Variants in B3GALNT2 observed in about 807,000 individuals in gnomAD.
B3GALNT2 encodes UDP-GalNAc:beta-1,3-N-acetylgalactosaminyltransferase 2.
Under a neutral mutation model 61.1 loss-of-function variants are expected in B3GALNT2, and 53 were observed. The observed-to-expected ratio is 0.87, with a 90% confidence interval of 0.70 to 1.09. The LOEUF is 1.09. Ranked by LOEUF, B3GALNT2 falls within the 50% of genes least tolerant of loss-of-function variation. The pLI, the probability that B3GALNT2 is intolerant of heterozygous loss-of-function variation, is 0.00. For missense variants in B3GALNT2, 544 were observed against 623.0 expected, an observed-to-expected ratio of 0.87 and a Z score of 1.35; for synonymous variants, 223 against 237.4, an observed-to-expected ratio of 0.94 and a Z score of 0.56.
At chr1:235,478,071 T>C (rs141116774) in intron 5 of B3GALNT2, among the ~76,000 whole-genome samples, 51 of 152,284 alleles carry the variant, frequency 3.3e-4, no homozygotes, top group African/African-American at 1.2e-3. Flanking sequence ...CTATTCTTTT[T>C]TTTGAGATGG....
In B3GALNT2 at chr1:235,484,215, C is replaced by G. The variant is rs1332547483; in HGVS notation, c.555+107G>C. The G allele has an allele frequency of 6.4e-6, 9 of 1,404,202 alleles. No homozygotes were observed. The East Asian group carries it at 1.7e-4, about 27-fold the overall frequency. 87.0% of individuals were successfully genotyped at this position (1,404,202 alleles called of 1,614,324 possible). ...GGAAGAAAGGTGAAAGTCTCTCAAC[C>G]AGAGAGAATTATATAGTCTTCCAAT... On this transcript the variant is annotated intron_variant, in intron 4 of 11. Transcript: ENST00000366600.
chr1:235,469,526 AT>A (rs575124942), intron 6 of B3GALNT2, among the ~76,000 whole-genome samples: 90 of 152,276 alleles, frequency 5.9e-4, no homozygotes, highest in African/African-American at 2.1e-3. Flanking sequence ...AGCAAAATAA[AT>A]GAAAGTACTC....
chr1:235,452,617 C>G (rs1424692249), intron 11 of B3GALNT2, among the ~76,000 whole-genome samples: 1 of 151,578 alleles, frequency 6.6e-6, no homozygotes, highest in Non-Finnish European at 1.5e-5. Flanking sequence ...GGTGCATTCA[C>G]AGCTCCCTGC....
chr1:235,465,378 G>A (rs1683637540), intron 7 of B3GALNT2: 5 of 390,180 alleles, frequency 1.3e-5, no homozygotes, highest in Middle Eastern at 1.4e-3. Context: ...AAGTGCATCA[G>A]TAGTTGTTAG....
intron 2 of B3GALNT2, among the ~76,000 whole-genome samples, chr1:235,493,756 C>T (rs1050929494): frequency 1.7e-4 from 25 of 151,372 alleles, no homozygotes; most frequent in East Asian, 5.8e-4. Context: ...TTAGCTTGAG[C>T]GACAGCAAAA....
chr1:235,482,633 G>T (rs1260549697), intron 4 of B3GALNT2, among the ~76,000 whole-genome samples: 3 of 152,006 alleles, frequency 2.0e-5, no homozygotes, highest in Admixed American at 2.0e-4. Flanking sequence ...ATACTCTGAG[G>T]AATATAATAG....
rs1683965217 is a variant in B3GALNT2, at chr1:235,470,864, G to T, written c.748C>A (p.Leu250Ile). The T allele has an allele frequency of 6.2e-7, 1 of 1,613,840 alleles. No homozygotes were observed. The highest frequency in any genetic ancestry group is 1.1e-5 in the South Asian group (1 of 91,048). ...AAACGACTTACTGTAATGACTCTGA[G>T]AACTCCCCCTCCATCATTCACTGTC... ...KVTVNDGGGV[L>I]RVITAGEGAL... The change falls in exon 6 of 12, where the codon CTC becomes ATC. Residue 250 changes from leucine to isoleucine, a missense_variant. Leu to Ile is a conservative substitution (Grantham distance 5). Coordinates refer to ENST00000366600, the MANE Select transcript of B3GALNT2 (RefSeq NM_152490.5).
chr1:235,462,761 C>A (rs1683492289), intron 7 of B3GALNT2, among the ~76,000 whole-genome samples: 1 of 152,150 alleles, frequency 6.6e-6, no homozygotes, highest in Admixed American at 6.5e-5. Flanking sequence ...GCAATACTCC[C>A]CAGGTTGATC....
chr1:235,494,926 T>C (rs1685247046), intron 1 of B3GALNT2, 98 bp from the exon 2 acceptor site: 10 of 1,202,108 alleles, frequency 8.3e-6, no homozygotes, highest in Admixed American at 3.1e-5. Flanking sequence ...CTTATGTTTG[T>C]AGGAAATTCA....
chr1:235,445,655 C>CAA (rs1275131158), downstream of B3GALNT2, among the ~76,000 whole-genome samples: 1 of 151,830 alleles, frequency 6.6e-6, no homozygotes, highest in African/African-American at 2.4e-5. Context: ...CAAAACAAAA[C>CAA]AAAACTGCAA....
At chr1:235,457,610 AAT>A (rs1170704901) in intron 8 of B3GALNT2, among the ~76,000 whole-genome samples, 1 of 152,222 alleles carries the variant, frequency 6.6e-6, no homozygotes, top group Non-Finnish European at 1.5e-5. Context: ...GGAAATTATA[AAT>A]ATGATAGATT....
intron 4 of B3GALNT2, among the ~76,000 whole-genome samples, chr1:235,483,245 G>T (rs1298027714): frequency 6.6e-6 from 1 of 152,120 alleles, no homozygotes. Context: ...TGAAAAAAAT[G>T]AACAGTCTTG....
intron 1 of B3GALNT2, among the ~76,000 whole-genome samples, chr1:235,498,768 T>C (rs1335591372): frequency 2.8e-5 from 4 of 141,700 alleles, no homozygotes; most frequent in Admixed American, 7.8e-5. Flanking sequence ...TGCTTGAACC[T>C]GGGAGGCAGA....
At position 235,448,651 on chromosome 1, in the gene B3GALNT2, A is replaced by G. The variant is rs1185930748; in HGVS notation, c.*1555T>C. The G allele has an allele frequency of 1.9e-6, 3 of 1,601,220 alleles. No individual in the cohort carries two copies. Among genetic ancestry groups the G allele is most frequent in the Non-Finnish European group, 2.6e-6 (3 of 1,168,612 alleles). ...ATCTGTCTTAATCACATCCTTCCCC[A>G]CCTTCGTTCTAATTTTAGAAGCCGG... On this transcript the variant is annotated 3_prime_UTR_variant, in exon 12 of 12. Coordinates refer to ENST00000366600, the MANE Select transcript of B3GALNT2 (RefSeq NM_152490.5).
chr1:235,502,202 G>A (rs539039101), intron 1 of B3GALNT2, among the ~76,000 whole-genome samples: 2 of 152,236 alleles, frequency 1.3e-5, no homozygotes, highest in South Asian at 4.1e-4. Context: ...TAGTAGAGAC[G>A]GGGTTTCGCC....
At position 235,504,285 on chromosome 1, in the gene B3GALNT2, C is replaced by T. The variant is rs1360074797; in HGVS notation, c.-33G>A. The stretch of plus-strand genomic sequence containing the variant: ...CCCCGCCGCGAGCCGGGCTCTCCCG[C>T]GTCCCGGCGGAGAGGGAGGGGACCT... On this transcript the variant is annotated 5_prime_UTR_variant, in exon 1 of 12. Coordinates refer to ENST00000366600, the MANE Select transcript of B3GALNT2 (RefSeq NM_152490.5). The T allele has an allele frequency of 6.7e-7, 1 of 1,483,110 alleles. No individual in the cohort carries two copies. The allele number at this position is 1,483,110 out of a possible 1,614,324, so 91.9% of individuals were successfully genotyped here.
intron 7 of B3GALNT2, 45 bp from the exon 8 acceptor site, chr1:235,458,831 G>A (rs773250668): frequency 4.0e-6 from 6 of 1,496,934 alleles, no homozygotes; most frequent in Non-Finnish European, 5.4e-6. Flanking sequence ...CTGTTGTAAA[G>A]TTACCATTCA....
chr1:235,468,690 A>T lies in B3GALNT2; in HGVS notation c.762+2160T>A, dbSNP rs528544794. Among the ~76,000 whole-genome samples the T allele has an allele frequency of 7.3e-5, 11 of 151,622 alleles. No homozygotes were observed. In the East Asian group the frequency reaches 2.1e-3, roughly 29 times the overall value. The stretch of plus-strand genomic sequence containing the variant: ...CTGGTCTTGATCTCTTGACCTCGTG[A>T]TCCTCCCACCTCAGCCTCCCGAAGT... On this transcript the variant is annotated intron_variant, in intron 6 of 11. Coordinates refer to ENST00000366600, the MANE Select transcript of B3GALNT2 (RefSeq NM_152490.5).
chr1:235,477,257 CA>C (rs773082012), intron 5 of B3GALNT2, among the ~76,000 whole-genome samples: 3 of 152,114 alleles, frequency 2.0e-5, no homozygotes, highest in Non-Finnish European at 2.9e-5. Flanking sequence ...CTAGACTCAC[CA>C]ACTGTTCACA....
Sources: gnomAD v4.1 joint callset for allele counts (sites outside exome capture counted in the v4.1 genomes callset) on GRCh38, gnomAD v4.1.1 for gene constraint, MANE v1.5 for transcripts, NCBI Gene and HGNC (gene_info 2026-07-23, HGNC 2026-07-21) for gene names.